The following RTCA variants were observed in gnomAD, a reference collection of about 807,000 sequenced individuals.
RTCA encodes RNA terminal phosphate cyclase domain 1.
In RTCA, 37 loss-of-function variants were observed where a neutral mutation model predicts 46.1. The observed-to-expected ratio is 0.80, with a 90% CI of 0.62 to 1.06. RTCA has a LOEUF of 1.06. Among genes scored for constraint, RTCA ranks in the 50% least tolerant of loss-of-function variants. RTCA has a pLI of 0.00. For synonymous variants in RTCA, 164 were observed against 158.3 expected (o/e 1.04, Z -0.27); for missense variants, 435 against 455.5 (o/e 0.95, Z 0.41).
At chr1:100,285,822 C>T (rs1267669211) in intron 9 of RTCA, among the ~76,000 whole-genome samples, 1 of 152,138 alleles carries the variant, frequency 6.6e-6, no homozygotes, top group African/African-American at 2.4e-5. Context: ...TTTATAGAGA[C>T]GAGGTCTCAG....
At chr1:100,290,040 T>A (rs1306817589) in intron 10 of RTCA, among the ~76,000 whole-genome samples, 2 of 152,200 alleles carry the variant, frequency 1.3e-5, no homozygotes, top group East Asian at 3.8e-4. Context: ...ATTAATATGG[T>A]TACCTAGCTC....
At chr1:100,267,461 A>T (rs576991351) in intron 2 of RTCA, 1 of 1,474,462 alleles carries the variant, frequency 6.8e-7, no homozygotes. Flanking sequence ...TGCCACACAC[A>T]GAGTGGAGCT....
Position 100,266,583 on chromosome 1 carries a change from G to T in RTCA, c.105G>T (p.Arg35=), listed in dbSNP as rs748000918. The T allele has an allele frequency of 1.9e-6, 3 of 1,613,912 alleles. No homozygotes were observed. The South Asian group carries it at 3.3e-5, about 18-fold the overall frequency. Residue 35 remains arginine, a synonymous_variant, in exon 2 of 11, where the codon CGG becomes CGT. Coordinates refer to ENST00000370128, the MANE Select transcript of RTCA (RefSeq NM_003729.4). ...GCTGTCTCCTAGGCCTCCCCTTGCG[G>T]GTGCAGAAGATCCGAGCCGGCCGGA... ...ALSCLLGLPL[R]VQKIRAGRST... is the part of the protein sequence containing the mutation.
At chr1:100,269,745 TG>T (rs1465036605) in intron 3 of RTCA, among the ~76,000 whole-genome samples, 4 of 152,204 alleles carry the variant, frequency 2.6e-5, no homozygotes, top group Non-Finnish European at 4.4e-5. Context: ...TGTACACATG[TG>T]CCATAGTGGT....
intron 10 of RTCA, among the ~76,000 whole-genome samples, chr1:100,289,116 G>A (rs1475271796): frequency 4.0e-5 from 6 of 151,632 alleles, no homozygotes; most frequent in Admixed American, 2.6e-4. Context: ...GAGCCACCGC[G>A]CCTGGCCTTT....
Position 100,266,581 on chromosome 1 carries a change from C to G in RTCA, c.103C>G (p.Arg35Gly), listed in dbSNP as rs369080909. Reference sequence around the variant, plus strand: ...GAGCTGTCTCCTAGGCCTCCCCTTGCGGGTGCAGAAGATCCGAGCCGGCCG... The same window carrying G: ...GAGCTGTCTCCTAGGCCTCCCCTTGGGGGTGCAGAAGATCCGAGCCGGCCG... ...ALSCLLGLPL[R>G]VQKIRAGRST... The change falls in exon 2 of 11, where the codon CGG becomes GGG. Residue 35 changes from arginine (R) to glycine (G), a missense_variant. Coordinates refer to ENST00000370128, the MANE Select transcript of RTCA (RefSeq NM_003729.4). 1.9e-6 allele frequency: 3 copies of G among 1,613,596 alleles called. No individual in the cohort carries two copies. The highest frequency in any genetic ancestry group is 1.3e-5 in the African/African-American group (1 of 74,918).
intron 8 of RTCA, among the ~76,000 whole-genome samples, chr1:100,277,803 G>T (rs746460389): frequency 7.7e-5 from 10 of 130,446 alleles, no homozygotes; most frequent in African/African-American, 1.1e-4. Context: ...TTTTTTTTTT[G>T]GGGGGGGGCA....
In RTCA at chr1:100,274,855, A is replaced by G; in HGVS notation, c.505A>G (p.Ile169Val). 1.9e-6 allele frequency: 3 copies of G among 1,613,042 alleles called. No homozygotes were observed. Among genetic ancestry groups the G allele is most frequent in the Non-Finnish European group, 2.5e-6 (3 of 1,179,238 alleles). The change falls in exon 6 of 11, where the codon ATT (isoleucine) becomes GTT (valine). Residue 169 changes from isoleucine (I) to valine (V), a missense_variant. Ile to Val is a conservative substitution (Grantham distance 29). Transcript: ENST00000370128. ...TTACCCAAAAGGGGGTGGTGAAGTG[A>G]TTGTTCGAATGTCACCAGTTAAACA... is the stretch of plus-strand genomic sequence containing the variant. ...GYYPKGGGEVIVRMSPVKQLN... is the reference protein window; with the variant it reads ...GYYPKGGGEVVVRMSPVKQLN...
chr1:100,266,281 A>T lies in RTCA; in HGVS notation c.-95A>T. The T allele has an allele frequency of 6.7e-7, 1 of 1,495,520 alleles. No individual in the cohort carries two copies. Among genetic ancestry groups the T allele is most frequent in the Non-Finnish European group, 9.1e-7 (1 of 1,099,092 alleles). 92.6% of individuals were successfully genotyped at this position (1,495,520 alleles called of 1,614,324 possible). On this transcript the variant is annotated 5_prime_UTR_variant, in exon 1 of 11. The change creates a new upstream start codon in the 5' untranslated region. Coordinates refer to ENST00000370128, the MANE Select transcript of RTCA (RefSeq NM_003729.4). The stretch of plus-strand genomic sequence containing the variant: ...GCTCCTGCGCCCCAGGCATGAACCA[A>T]GGTTTCTGAACTACTGGGCGGGAGC...
Position 100,269,850 on chromosome 1 carries a change from C to T in RTCA, c.291-707C>T, listed in dbSNP as rs544724144. 2.4e-4 allele frequency among the ~76,000 whole-genome samples: 37 copies of T among 152,166 alleles called. 1 individual carries two copies. The South Asian group carries it at 4.6e-3, about 19-fold the overall frequency. On this transcript the variant is annotated intron_variant, in intron 3 of 10. Transcript: ENST00000370128. Reference sequence around the variant, plus strand: ...CTCCCTCCCCTTGCCACCTGCCCCCCGACAAGCCCTGGTGTGTGATGTTCC... The same window carrying T: ...CTCCCTCCCCTTGCCACCTGCCCCCTGACAAGCCCTGGTGTGTGATGTTCC...
intron 8 of RTCA, among the ~76,000 whole-genome samples, chr1:100,282,895 C>T (rs1007435973): frequency 6.6e-6 from 1 of 152,164 alleles, no homozygotes; most frequent in Non-Finnish European, 1.5e-5. Context: ...CAACCTCTGC[C>T]TCCTGAGCTC....
At chr1:100,277,569 A>G (rs193263182) in intron 8 of RTCA, among the ~76,000 whole-genome samples, 186 of 152,310 alleles carry the variant, frequency 1.2e-3, no homozygotes, top group Non-Finnish European at 1.7e-3. Flanking sequence ...TAGATTCACT[A>G]GTTATGAACA....
intron 2 of RTCA, 104 bp from the exon 3 acceptor site, chr1:100,268,048 A>T (rs1197024662): frequency 2.6e-6 from 4 of 1,521,962 alleles, no homozygotes; most frequent in Non-Finnish European, 3.6e-6. Context: ...CTGTGGTTAG[A>T]CCTTGCTGTT....
chr1:100,280,338 C>G (rs1666633112), intron 8 of RTCA, among the ~76,000 whole-genome samples: 1 of 152,090 alleles, frequency 6.6e-6, no homozygotes, highest in African/African-American at 2.4e-5. Flanking sequence ...AATTTTTTTA[C>G]CAGGCCTGAA....
At chr1:100,270,083 A>G (rs909580439) in intron 3 of RTCA, among the ~76,000 whole-genome samples, 6 of 152,230 alleles carry the variant, frequency 3.9e-5, no homozygotes, top group African/African-American at 1.4e-4. Context: ...GACAGGAACT[A>G]TATCTTTATA....
intron 8 of RTCA, among the ~76,000 whole-genome samples, chr1:100,283,513 A>C (rs1474346837): frequency 6.6e-6 from 1 of 152,120 alleles, no homozygotes; most frequent in African/African-American, 2.4e-5. Flanking sequence ...TTCTAGTCCC[A>C]AGCATTTCAG....
intron 9 of RTCA, among the ~76,000 whole-genome samples, chr1:100,286,808 A>G (rs1332240207): frequency 6.6e-6 from 1 of 152,074 alleles, no homozygotes; most frequent in East Asian, 1.9e-4. Context: ...ATATATACCA[A>G]CTTGTAGAGA....
At chr1:100,285,443 T>A in intron 9 of RTCA, 121 bp downstream of exon 9, 1 of 644,910 alleles carries the variant, frequency 1.6e-6, no homozygotes, top group Non-Finnish European at 2.7e-6. Flanking sequence ...TTCAATAATT[T>A]AAAAAAATAT....
intron 8 of RTCA, among the ~76,000 whole-genome samples, chr1:100,284,163 A>G (rs1225239413): frequency 6.6e-6 from 1 of 152,044 alleles, no homozygotes; most frequent in Non-Finnish European, 1.5e-5. Context: ...ATAATGTGGC[A>G]TTCTACTACT....
Sources: allele counts gnomAD v4.1 joint callset (sites outside exome capture counted in the v4.1 genomes callset), GRCh38; gene constraint gnomAD v4.1.1; transcripts MANE v1.5; gene names NCBI Gene and HGNC (gene_info 2026-07-23, HGNC 2026-07-21).